The following CNTNAP3 variants were observed in gnomAD, a reference collection of about 807,000 sequenced individuals.
CNTNAP3 encodes the protein contactin associated protein family member 3.
A neutral mutation model predicts 92.1 loss-of-function variants in CNTNAP3; 36 were observed. The ratio of observed to expected loss-of-function variants is 0.39; its 90% CI spans 0.30 to 0.52. The LOEUF is 0.52. Among genes scored for constraint, CNTNAP3 ranks in the 20% least tolerant of loss-of-function variants. The probability of loss-of-function intolerance (pLI) is 0.76; values close to 1 mark genes in which losing one functional copy is unlikely to be tolerated. For synonymous variants in CNTNAP3, 232 were observed against 422.3 expected, an observed-to-expected ratio of 0.55 and a Z score of 5.53; for missense variants, 534 against 1,069.6, an observed-to-expected ratio of 0.50 and a Z score of 6.98.
At chr9:39,129,051 G>C (rs1330011297) in intron 13 of CNTNAP3, among the ~76,000 whole-genome samples, 3 of 151,958 alleles carry the variant, frequency 2.0e-5, no homozygotes, top group African/African-American at 7.2e-5. Flanking sequence ...ACTCAAAACA[G>C]TGAAACACCA....
At chr9:39,130,294 C>G (rs1389048611) in intron 13 of CNTNAP3, among the ~76,000 whole-genome samples, 1 of 151,714 alleles carries the variant, frequency 6.6e-6, no homozygotes, top group African/African-American at 2.4e-5. Context: ...CCACCGATTG[C>G]TAATCAGCAA....
chr9:39,078,501 T>C, intron 22 of CNTNAP3, 45 bp from the exon 23 acceptor site: 1 of 1,611,998 alleles, frequency 6.2e-7, no homozygotes, highest in African/African-American at 1.3e-5. Flanking sequence ...CTTGATTTAA[T>C]CACGCCACAA....
intron 21 of CNTNAP3, among the ~76,000 whole-genome samples, chr9:39,082,398 CTT>C (rs2118401776): frequency 6.6e-6 from 1 of 152,054 alleles, no homozygotes; most frequent in East Asian, 1.9e-4. Context: ...TTGATGATAA[CTT>C]AGTGCAGCCT....
intron 23 of CNTNAP3, among the ~76,000 whole-genome samples, chr9:39,077,850 C>T (rs181288307): frequency 1.1e-4 from 16 of 152,122 alleles, no homozygotes; most frequent in Admixed American, 6.6e-4. Context: ...AAAATTGTTT[C>T]GGCAGAATTC....
At chr9:39,105,780 T>G (rs1303654172) in intron 15 of CNTNAP3, among the ~76,000 whole-genome samples, 2 of 151,896 alleles carry the variant, frequency 1.3e-5, no homozygotes, top group Non-Finnish European at 2.9e-5. Flanking sequence ...AGCCGAGATC[T>G]GCAGGCTATT....
intron 18 of CNTNAP3, among the ~76,000 whole-genome samples, chr9:39,091,171 CTTT>C (rs201329360): frequency 1.9e-3 from 242 of 128,540 alleles, no homozygotes; most frequent in African/African-American, 6.3e-3. Context: ...TTTTCTTCTT[CTTT>C]TTTTTTTTTT....
intron 15 of CNTNAP3, among the ~76,000 whole-genome samples, chr9:39,107,128 G>A (rs1185420818): frequency 6.6e-6 from 1 of 151,848 alleles, no homozygotes; most frequent in African/African-American, 2.4e-5. Context: ...TGTCTGGACA[G>A]ACCTGCCAGA....
At chr9:39,141,831 A>G (rs965646968) in intron 11 of CNTNAP3, among the ~76,000 whole-genome samples, 2 of 152,212 alleles carry the variant, frequency 1.3e-5, no homozygotes, top group Non-Finnish European at 2.9e-5. Flanking sequence ...TTTTTAAATG[A>G]TAATGTACAC....
intron 18 of CNTNAP3, among the ~76,000 whole-genome samples, chr9:39,095,566 G>T: frequency 7.0e-6 from 1 of 142,118 alleles, no homozygotes. Flanking sequence ...TTTTTTTTCA[G>T]CAACAATTAA....
chr9:39,074,508 T>TATG (rs1203719035), intron 23 of CNTNAP3, among the ~76,000 whole-genome samples: 1 of 151,434 alleles, frequency 6.6e-6, no homozygotes, highest in African/African-American at 2.4e-5. Flanking sequence ...TGACGGACTA[T>TATG]GACTTTTGGA....
chr9:39,130,160 A>T (rs1821243369), intron 13 of CNTNAP3, among the ~76,000 whole-genome samples: 1 of 152,204 alleles, frequency 6.6e-6, no homozygotes, highest in Non-Finnish European at 1.5e-5. Context: ...CAGAGAAATG[A>T]AAACTGATGT....
At chr9:39,125,211 C>A (rs1308203408) in intron 13 of CNTNAP3, among the ~76,000 whole-genome samples, 2 of 151,914 alleles carry the variant, frequency 1.3e-5, no homozygotes, top group Non-Finnish European at 1.5e-5. Context: ...CTTTGTAGGG[C>A]CATGGATGAA....
At chr9:39,077,486 G>A (rs867774259) in intron 23 of CNTNAP3, among the ~76,000 whole-genome samples, 63 of 152,200 alleles carry the variant, frequency 4.1e-4, no homozygotes, top group African/African-American at 1.3e-3. Flanking sequence ...GAACCCGGGA[G>A]GCGGAGCTTG....
chr9:39,121,620 AACTG>A (rs1821023341), intron 13 of CNTNAP3, among the ~76,000 whole-genome samples: 3 of 152,204 alleles, frequency 2.0e-5, no homozygotes, highest in Non-Finnish European at 1.5e-5. Flanking sequence ...CTTAGAATGT[AACTG>A]ACTAATTGAT....
At chr9:39,074,556 T>C (rs1198465516) in intron 23 of CNTNAP3, among the ~76,000 whole-genome samples, 3 of 151,758 alleles carry the variant, frequency 2.0e-5, no homozygotes, top group Non-Finnish European at 2.9e-5. Flanking sequence ...AGGTATATGA[T>C]GATTGGGTTT....
Position 39,133,148 on chromosome 9 carries a change from G to C in CNTNAP3, c.1877-13C>G. 6.4e-7 allele frequency: 1 copy of C among 1,568,100 alleles called. No homozygotes were observed. The highest frequency in any genetic ancestry group is 8.6e-7 in the Non-Finnish European group (1 of 1,162,194). ...CACGCGGCGTCTGCTGAGCAGAAAC[G>C]GGCAAAGGAGAGGCATCACTGGACG... On this transcript the variant is annotated splice_polypyrimidine_tract_variant and intron_variant, in intron 12 of 23. Transcript: ENST00000297668.
intron 14 of CNTNAP3, among the ~76,000 whole-genome samples, chr9:39,113,215 C>A (rs1433850662): frequency 1.3e-5 from 2 of 151,956 alleles, no homozygotes; most frequent in Admixed American, 6.6e-5. Context: ...TCGAAATCAC[C>A]CCCGATTGAG....
At position 39,164,762 on chromosome 9, in the gene CNTNAP3, TCA is replaced by T. The variant is rs754771354; in HGVS notation, c.1477+1169_1477+1170del. On this transcript the variant is annotated intron_variant, in intron 9 of 23. Coordinates refer to ENST00000297668, the MANE Select transcript of CNTNAP3 (RefSeq NM_033655.5). Reference sequence around the variant, plus strand: ...CCATGCCCCCAAGTGATAAGTTTTCTCACATGATTGTTTCTCTTAACTGTGGT... The same window carrying T: ...CCATGCCCCCAAGTGATAAGTTTTCTCATGATTGTTTCTCTTAACTGTGGT... Among the ~76,000 whole-genome samples the T allele has an allele frequency of 1.1e-4, 15 of 131,626 alleles. No homozygotes were observed. The Middle Eastern group carries it at 0.013, about 111-fold the overall frequency. 86.4% of individuals were successfully genotyped at this position (131,626 alleles called of 152,430 possible).
At position 39,134,519 on chromosome 9, in the gene CNTNAP3, G is replaced by C. The variant is rs572416901; in HGVS notation, c.1877-1384C>G. ...AGCTCACTGCAGCCTCTGCCTCCTG[G>C]GTTCAAGCAGTTCTCCTGTCTCAGC... On this transcript the variant is annotated intron_variant, in intron 12 of 23. Coordinates refer to ENST00000297668, the MANE Select transcript of CNTNAP3 (RefSeq NM_033655.5). Among the ~76,000 whole-genome samples the C allele has an allele frequency of 1.3e-5, 2 of 152,084 alleles. 1 individual carries two copies. Among genetic ancestry groups the C allele is most frequent in the South Asian group, 4.2e-4 (2 of 4,818 alleles).
Sources: gnomAD v4.1 joint callset for allele counts (sites outside exome capture counted in the v4.1 genomes callset) on GRCh38, gnomAD v4.1.1 for gene constraint, MANE v1.5 for transcripts, NCBI Gene and HGNC (gene_info 2026-07-23, HGNC 2026-07-21) for gene names.